The following DMD variants were observed in gnomAD, a reference collection of about 807,000 sequenced individuals.
DMD encodes the protein mutant dystrophin.
In DMD, 63 loss-of-function variants were observed where a neutral mutation model predicts 330.1. That is an observed-to-expected ratio of 0.19 (90% CI 0.16 to 0.24). The LOEUF is 0.24. Among genes scored for constraint, DMD ranks in the 10% least tolerant of loss-of-function variants. The pLI is 1.00. For missense variants in DMD, 3,344 were observed against 2,684.1 expected, an observed-to-expected ratio of 1.25 and a Z score of -5.43; for synonymous variants, 1,223 against 959.8, an observed-to-expected ratio of 1.27 and a Z score of -5.07.
chrX:31,873,742 C>T (rs1289466245), intron 48 of DMD, among the ~76,000 whole-genome samples: 1 of 111,493 alleles, frequency 9.0e-6, no homozygotes, highest in African/African-American at 3.3e-5. Flanking sequence ...GAATAGATTC[C>T]TTGAAAGGGA....
At chrX:32,856,028 G>T in intron 2 of DMD, among the ~76,000 whole-genome samples, 1 of 112,105 alleles carries the variant, frequency 8.9e-6, no homozygotes, top group Non-Finnish European at 1.9e-5. Flanking sequence ...TTTCTCAAGA[G>T]ATGACACAAA....
intron 1 of DMD, among the ~76,000 whole-genome samples, chrX:33,224,624 T>C (rs1387786694): frequency 9.0e-6 from 1 of 111,726 alleles, no homozygotes; most frequent in Admixed American, 9.6e-5. Flanking sequence ...AACTACTCTG[T>C]ATGATATTAT....
chrX:31,206,963 G>A (rs867767452), intron 65 of DMD, among the ~76,000 whole-genome samples: 1 of 108,548 alleles, frequency 9.2e-6, no homozygotes, highest in Non-Finnish European at 1.9e-5. Context: ...CATAAATTAA[G>A]AAAAAAAAAT....
rs935236399 is a variant in DMD at position 32,112,077 on chromosome X, G to C, written c.6438+104839C>G. 3.1e-4 allele frequency among the ~76,000 whole-genome samples: 34 copies of C among 111,010 alleles called. 1 individual carries two copies. Among genetic ancestry groups the C allele is most frequent in the African/African-American group, 1.1e-3 (34 of 30,219 alleles). On this transcript the variant is annotated intron_variant, in intron 44 of 78. Transcript: ENST00000357033. ...ATGCATTTATCGAGCTTTAATTATG[G>C]GCCAAAAAGTGTACTACGCCCTGAA...
At chrX:31,158,140 T>C (rs938234513) in intron 74 of DMD, among the ~76,000 whole-genome samples, 8 of 111,546 alleles carry the variant, frequency 7.2e-5, no homozygotes, top group Non-Finnish European at 1.5e-4. Flanking sequence ...CCGGTACTTG[T>C]ACATGAATGT....
At chrX:32,446,973 T>C (rs2098307944) in intron 27 of DMD, among the ~76,000 whole-genome samples, 1 of 110,547 alleles carries the variant, frequency 9.0e-6, no homozygotes, top group African/African-American at 3.3e-5. Flanking sequence ...GAAAAGTTTG[T>C]TATTAATACG....
intron 48 of DMD, among the ~76,000 whole-genome samples, chrX:31,856,942 CA>C (rs1246976245): frequency 8.9e-6 from 1 of 112,190 alleles, no homozygotes; most frequent in African/African-American, 3.2e-5. Flanking sequence ...TTCCTTCAAA[CA>C]AATCTTAAAA....
chrX:31,509,274 G>C (rs961446950), intron 55 of DMD, among the ~76,000 whole-genome samples: 7 of 111,476 alleles, frequency 6.3e-5, no homozygotes, highest in African/African-American at 2.3e-4. Flanking sequence ...TGCCTACGTG[G>C]AATAACATGC....
At chrX:32,373,858 A>C (rs1456282613) in intron 34 of DMD, among the ~76,000 whole-genome samples, 5 of 112,023 alleles carry the variant, frequency 4.5e-5, no homozygotes, top group African/African-American at 1.3e-4. Context: ...CCATGGTAAC[A>C]TTAATCCTCA....
chrX:33,100,509 T>C (rs1463020135), intron 1 of DMD, among the ~76,000 whole-genome samples: 2 of 110,683 alleles, frequency 1.8e-5, no homozygotes, highest in African/African-American at 6.6e-5. Flanking sequence ...CTGACCAAAA[T>C]GGCGAAACCC....
intron 2 of DMD, among the ~76,000 whole-genome samples, chrX:33,005,812 C>T (rs750230129): frequency 9.0e-6 from 1 of 110,684 alleles, no homozygotes; most frequent in African/African-American, 3.3e-5. Flanking sequence ...AGAAATGAAG[C>T]TGTATTTCTT....
chrX:32,845,168 A>G (rs1322551607), intron 3 of DMD, among the ~76,000 whole-genome samples: 3 of 112,179 alleles, frequency 2.7e-5, no homozygotes, highest in African/African-American at 9.7e-5. Flanking sequence ...AAACATCAGC[A>G]TGCATAAAAA....
chrX:31,351,613 C>T (rs2058416619), intron 60 of DMD, among the ~76,000 whole-genome samples: 1 of 106,502 alleles, frequency 9.4e-6, no homozygotes. Flanking sequence ...GTAATCCCAG[C>T]TACTCGGGAA....
upstream of DMD, among the ~76,000 whole-genome samples, chrX:33,214,171 A>G (rs1279762185): frequency 9.1e-6 from 1 of 109,927 alleles, no homozygotes; most frequent in Non-Finnish European, 1.9e-5. Context: ...CTTTATTCAC[A>G]TACTGTGGGA....
intron 1 of DMD, among the ~76,000 whole-genome samples, chrX:33,261,575 C>T (rs1008747638): frequency 9.3e-6 from 1 of 107,610 alleles, no homozygotes; most frequent in African/African-American, 3.4e-5. Context: ...TGCTGACCTG[C>T]TGCCTGAGAG....
chrX:32,952,322 T>C (rs1277375130), intron 2 of DMD, among the ~76,000 whole-genome samples: 2 of 110,382 alleles, frequency 1.8e-5, no homozygotes, highest in Non-Finnish European at 3.8e-5. Flanking sequence ...TTAGTACAGA[T>C]GGGATTTCAC....
intron 52 of DMD, among the ~76,000 whole-genome samples, chrX:31,700,854 C>G (rs2083757216): frequency 8.9e-6 from 1 of 111,801 alleles, no homozygotes. Context: ...AGTTTATCAT[C>G]TTAGGTCACT....
chrX:31,525,484 T>C (rs942199553), intron 55 of DMD, among the ~76,000 whole-genome samples: 12 of 112,035 alleles, frequency 1.1e-4, no homozygotes, highest in African/African-American at 3.9e-4. Context: ...AAATAACTCA[T>C]GTGTTTTAAA....
intron 4 of DMD, among the ~76,000 whole-genome samples, chrX:32,833,986 G>C (rs2079380084): frequency 9.0e-6 from 1 of 111,181 alleles, no homozygotes; most frequent in Admixed American, 9.6e-5. Flanking sequence ...TTTAAGAGTA[G>C]TTATATTACC....
Sources: gnomAD v4.1 joint callset for allele counts (sites outside exome capture counted in the v4.1 genomes callset) on GRCh38, gnomAD v4.1.1 for gene constraint, MANE v1.5 for transcripts, NCBI Gene and HGNC (gene_info 2026-07-23, HGNC 2026-07-21) for gene names.